The following COG4 variants were observed in gnomAD, a reference collection of about 807,000 sequenced individuals.
COG4 encodes conserved oligomeric Golgi complex subunit 4.
COG4 carries 65 observed loss-of-function variants against 95.1 expected under a neutral mutation model. The ratio of observed to expected loss-of-function variants is 0.68; its 90% confidence interval spans 0.56 to 0.84. COG4 has a LOEUF of 0.84. COG4 is among the 40% of genes least tolerant of loss of function. The probability of loss-of-function intolerance (pLI) is 0.00; values close to 1 mark genes in which losing one functional copy is unlikely to be tolerated. For missense variants in COG4, 1,045 were observed against 989.1 expected (o/e 1.06, Z -0.76); for synonymous variants, 421 against 374.8 (o/e 1.12, Z -1.42).
intron 8 of COG4, among the ~76,000 whole-genome samples, chr16:70,504,254 G>A (rs2049513155): frequency 6.6e-6 from 1 of 152,218 alleles, no homozygotes. Flanking sequence ...AGTGGATAGA[G>A]GCCAGGGATG....
Position 70,497,220 on chromosome 16 carries a change from C to T in COG4, c.1481+1G>A. 6.2e-7 allele frequency: 1 copy of T among 1,614,008 alleles called. No individual in the cohort carries two copies. The highest frequency in any genetic ancestry group is 8.5e-7 in the Non-Finnish European group (1 of 1,179,938). ...GAAAGGAGAAAGGGAGTCAACTGTA[C>T]CTGAAGTCAGACTCCAGCTCTGTGG... On this transcript the variant is annotated splice_donor_variant, in intron 11 of 18. Coordinates refer to ENST00000323786, the MANE Select transcript of COG4 (RefSeq NM_015386.3). LOFTEE classifies it high-confidence loss of function.
At chr16:70,522,436 G>T (rs1490933794) in intron 1 of COG4, among the ~76,000 whole-genome samples, 1 of 152,186 alleles carries the variant, frequency 6.6e-6, no homozygotes, top group Non-Finnish European at 1.5e-5. Flanking sequence ...GCGCAACAGA[G>T]AGCGGCCCTG....
chr16:70,495,042 GC>G (rs1177779824), intron 12 of COG4, among the ~76,000 whole-genome samples: 1 of 152,032 alleles, frequency 6.6e-6, no homozygotes, highest in Non-Finnish European at 1.5e-5. Context: ...GCAAGTTTAG[GC>G]TTCTCTCTCT....
intron 13 of COG4, among the ~76,000 whole-genome samples, chr16:70,489,220 A>G (rs965920917): frequency 1.4e-5 from 2 of 141,864 alleles, no homozygotes; most frequent in African/African-American, 5.2e-5. Context: ...TTTGATCCTG[A>G]TTTTTTTTTT....
chr16:70,523,303 C>T, intron 1 of COG4, 70 bp downstream of exon 1: 1 of 1,583,504 alleles, frequency 6.3e-7, no homozygotes, highest in Non-Finnish European at 8.7e-7. Context: ...TCCCACAGCC[C>T]GGATTTCCCG....
chr16:70,485,225 AG>A (rs1335528699), intron 13 of COG4, among the ~76,000 whole-genome samples: 1 of 119,824 alleles, frequency 8.3e-6, no homozygotes, highest in Non-Finnish European at 1.6e-5. Flanking sequence ...TTTTTTTTTG[AG>A]ACAGTCTCAC....
intron 8 of COG4, among the ~76,000 whole-genome samples, chr16:70,503,755 C>T (rs927168958): frequency 2.9e-5 from 4 of 138,756 alleles, no homozygotes; most frequent in Non-Finnish European, 5.9e-5. Flanking sequence ...CCACCACGCC[C>T]GGCTAATTTT....
At position 70,523,476 on chromosome 16, in the gene COG4, C is replaced by A. The variant is rs374732475; in HGVS notation, c.68G>T (p.Gly23Val). The change falls in exon 1 of 19, where the codon GGG (glycine) becomes GTG (valine). Residue 23 changes from glycine to valine, a missense_variant. Coordinates refer to ENST00000323786, the MANE Select transcript of COG4 (RefSeq NM_015386.3). ...KLSGVQQPSE[G>V]VGGGRCSEIS... ...TTCGGAGCAGCGGCCACCTCCCACC[C>A]CCTCAGACGGCTGCTGCACCCCTGA... The A allele has an allele frequency of 1.2e-6, 2 of 1,613,994 alleles. No homozygotes were observed. The highest frequency in any genetic ancestry group is 4.5e-5 in the East Asian group (2 of 44,884).
In COG4 at chr16:70,484,055, C is replaced by T. The variant is rs1215341205; in HGVS notation, c.1711-86G>A. ...CCACCAGCCAGTTCTACTCCTCCAG[C>T]CAGCTATGGCCTGTCAAGAGCCCGG... On this transcript the variant is annotated intron_variant, in intron 13 of 18. Transcript: ENST00000323786. 7.8e-5 allele frequency: 75 copies of T among 960,188 alleles called. No individual in the cohort carries two copies. In the Admixed American group the frequency reaches 1.3e-3, roughly 16 times the overall value. 59.5% of individuals were successfully genotyped at this position (960,188 alleles called of 1,614,324 possible).
chr16:70,511,129 C>T (rs1382932263), intron 5 of COG4, among the ~76,000 whole-genome samples: 2 of 152,186 alleles, frequency 1.3e-5, no homozygotes, highest in Non-Finnish European at 2.9e-5. Flanking sequence ...TCCAAAGGAA[C>T]AAAGGAATAT....
Position 70,515,769 on chromosome 16 carries a change from T to C in COG4, c.370-1260A>G, listed in dbSNP as rs112612778. 20 of 294,852 alleles carry C rather than the reference T, an allele frequency of 6.8e-5. 1 individual carries two copies. The highest frequency in any genetic ancestry group is 3.4e-4 in the African/African-American group (15 of 44,756). The allele number at this position is 294,852 out of a possible 1,614,324, so 18.3% of individuals were successfully genotyped here. On this transcript the variant is annotated intron_variant, in intron 3 of 18. Coordinates refer to ENST00000323786, the MANE Select transcript of COG4 (RefSeq NM_015386.3). ...AGTAAGAGAAGACACCCTTGTCTTG[T>C]TCCTCATCTTAGGGGGAAAGAATCA...
At chr16:70,509,502 T>C (rs1412191419) in intron 6 of COG4, 114 bp from the exon 7 acceptor site, 3 of 1,208,992 alleles carry the variant, frequency 2.5e-6, no homozygotes, top group Admixed American at 3.9e-5. Context: ...TGCTTCACTT[T>C]CTAAAATGAA....
In COG4 at chr16:70,504,119, C is replaced by T. The variant is rs532854330; in HGVS notation, c.1062-3028G>A. Among the ~76,000 whole-genome samples, 49 of 152,276 alleles carry T rather than the reference C, an allele frequency of 3.2e-4. 2 individuals carry two copies. The South Asian group carries it at 9.5e-3, about 30-fold the overall frequency. ...ACCTTGGGCAAGTCATCTGACCTCTCCAGCCTTCAGTTTCTTCCTCTGGAA... is the reference window on the plus strand; with the variant it reads ...ACCTTGGGCAAGTCATCTGACCTCTTCAGCCTTCAGTTTCTTCCTCTGGAA... On this transcript the variant is annotated intron_variant, in intron 8 of 18. Coordinates refer to ENST00000323786, the MANE Select transcript of COG4 (RefSeq NM_015386.3).
chr16:70,519,781 AAG>A (rs764400923), intron 1 of COG4, 50 bp from the exon 2 acceptor site: 11 of 1,355,712 alleles, frequency 8.1e-6, no homozygotes, highest in African/African-American at 5.7e-5. Context: ...AAGGAACCTT[AAG>A]AGTTATCTAA....
chr16:70,506,948 A>G (rs2049590902), intron 8 of COG4, among the ~76,000 whole-genome samples: 1 of 152,198 alleles, frequency 6.6e-6, no homozygotes, highest in African/African-American at 2.4e-5. Flanking sequence ...ATGGTGGCTC[A>G]TGCCTGTAAT....
chr16:70,519,815 T>G, intron 1 of COG4, 84 bp from the exon 2 acceptor site: 1 of 1,000,226 alleles, frequency 1.0e-6, no homozygotes. Context: ...AGCTGAAGGG[T>G]GAATCTCATT....
chr16:70,511,427 CAT>C (rs1381654241), intron 5 of COG4, among the ~76,000 whole-genome samples: 1 of 151,756 alleles, frequency 6.6e-6, no homozygotes, highest in Admixed American at 6.6e-5. Flanking sequence ...CACACACAGA[CAT>C]ATAGCTAAAA....
chr16:70,505,355 A>G (rs62049041), intron 8 of COG4, among the ~76,000 whole-genome samples: 149,066 of 150,316 alleles, frequency 0.99, 73,918 homozygotes, highest in Middle Eastern at 1. Context: ...CCGCCAACAC[A>G]CCCAGCTAAT....
chr16:70,490,259 G>A, intron 13 of COG4, 71 bp downstream of exon 13: 2 of 1,252,216 alleles, frequency 1.6e-6, no homozygotes, highest in South Asian at 1.2e-5. Context: ...TCACCATGAT[G>A]TTTGTATAGG....
Sources: allele counts gnomAD v4.1 joint callset (sites outside exome capture counted in the v4.1 genomes callset), GRCh38; gene constraint gnomAD v4.1.1; transcripts MANE v1.5; gene names NCBI Gene and HGNC (gene_info 2026-07-23, HGNC 2026-07-21).